CUBN: variants seen among roughly 807,000 people sequenced by gnomAD.
CUBN encodes the protein cubilin, also known as 460 kDa receptor.
In CUBN, 282 loss-of-function variants were observed where a neutral mutation model predicts 405.3. The ratio of observed to expected loss-of-function variants is 0.70; its 90% CI spans 0.63 to 0.77. The LOEUF (loss-of-function observed/expected upper bound fraction) is 0.77, where lower values mean the gene tolerates loss of function less well. CUBN is among the 30% of genes least tolerant of loss of function. CUBN has a pLI of 0.00. For missense variants in CUBN, 4,514 were observed against 4,475.2 expected, an observed-to-expected ratio of 1.01 and a Z score of -0.25; for synonymous variants, 1,684 against 1,617.0, an observed-to-expected ratio of 1.04 and a Z score of -0.99.
chr10:16,842,888 C>A (rs1839396066), intron 60 of CUBN, among the ~76,000 whole-genome samples: 2 of 152,196 alleles, frequency 1.3e-5, no homozygotes, highest in Non-Finnish European at 2.9e-5. Context: ...AGCCCTGTTC[C>A]TGCTGCTCTT....
intron 66 of CUBN, among the ~76,000 whole-genome samples, chr10:16,826,377 A>G (rs1418032111): frequency 6.6e-6 from 1 of 152,232 alleles, no homozygotes; most frequent in Admixed American, 6.5e-5. Context: ...GTATGTAATT[A>G]TGCATGTAAA....
chr10:17,101,486 C>G (rs955852653), intron 13 of CUBN, among the ~76,000 whole-genome samples: 20 of 135,768 alleles, frequency 1.5e-4, no homozygotes, highest in Non-Finnish European at 3.3e-4. Flanking sequence ...GCAAATAGTC[C>G]TCCCTCCTCA....
intron 28 of CUBN, among the ~76,000 whole-genome samples, chr10:17,016,213 G>A (rs948051559): frequency 1.3e-5 from 2 of 151,894 alleles, no homozygotes; most frequent in Admixed American, 1.3e-4. Context: ...GAGTTATGGT[G>A]GACATCATTG....
Position 16,918,670 on chromosome 10 carries a change from A to G in CUBN, c.6952T>C (p.Ser2318Pro). 1.9e-6 allele frequency: 3 copies of G among 1,614,004 alleles called. No individual in the cohort carries two copies. Among genetic ancestry groups the G allele is most frequent in the Non-Finnish European group, 2.5e-6 (3 of 1,179,902 alleles). ...SGEVMYLRFR[S>P]DNSPTHVGFK... Reference sequence around the variant, plus strand: ...CCCACATGTGTGGGGCTGTTGTCAGATCGAAATCTCAAATACATAACCTCT... The same window carrying G: ...CCCACATGTGTGGGGCTGTTGTCAGGTCGAAATCTCAAATACATAACCTCT... The change falls in exon 45 of 67, where the codon TCT (serine) becomes CCT (proline). Residue 2318 changes from serine to proline, a missense_variant. This residue lies in a region of CUBN where 1,613 missense variants were observed against 1,542.8 expected (regional missense o/e 1.05). Coordinates refer to ENST00000377833, the MANE Select transcript of CUBN (RefSeq NM_001081.4).
At chr10:17,118,320 G>A (rs1263218573) in intron 6 of CUBN, among the ~76,000 whole-genome samples, 1 of 152,158 alleles carries the variant, frequency 6.6e-6, no homozygotes, top group Non-Finnish European at 1.5e-5. Flanking sequence ...ATAATTGGCA[G>A]AAGATAAATA....
intron 31 of CUBN, among the ~76,000 whole-genome samples, chr10:16,963,196 C>CTT (rs200023246): frequency 8.3e-5 from 7 of 83,978 alleles, no homozygotes; most frequent in African/African-American, 2.0e-4. Flanking sequence ...TCTTTTTTTT[C>CTT]TTTTTTTTTT....
intron 58 of CUBN, among the ~76,000 whole-genome samples, chr10:16,872,239 C>G (rs1393182202): frequency 6.6e-6 from 1 of 151,570 alleles, no homozygotes; most frequent in African/African-American, 2.4e-5. Flanking sequence ...GAGCTAGTCT[C>G]AAATAAATAA....
chr10:17,102,505 T>G (rs1836516761), intron 13 of CUBN, among the ~76,000 whole-genome samples: 3 of 151,672 alleles, frequency 2.0e-5, no homozygotes, highest in Non-Finnish European at 4.4e-5. Flanking sequence ...CAGGCTGGTC[T>G]TGAATTCCTG....
chr10:16,993,162 G>T (rs1047815498), intron 28 of CUBN, among the ~76,000 whole-genome samples: 4 of 152,098 alleles, frequency 2.6e-5, no homozygotes, highest in East Asian at 3.9e-4. Context: ...AGCTCAGATG[G>T]TTCTTTCTAT....
intron 22 of CUBN, 60 bp from the exon 23 acceptor site, chr10:17,047,663 A>C (rs1835170797): frequency 5.7e-6 from 8 of 1,395,522 alleles, no homozygotes; most frequent in Admixed American, 1.7e-5. Context: ...TTTATAATAC[A>C]TCCAGTAATA....
intron 26 of CUBN, among the ~76,000 whole-genome samples, chr10:17,042,807 ACT>A (rs1260821640): frequency 6.6e-6 from 1 of 152,094 alleles, no homozygotes; most frequent in Non-Finnish European, 1.5e-5. Flanking sequence ...AAATGTTATT[ACT>A]CTTTCAGTTA....
chr10:16,892,014 C>T (rs1046397249), intron 54 of CUBN, among the ~76,000 whole-genome samples: 1 of 152,180 alleles, frequency 6.6e-6, no homozygotes, highest in African/African-American at 2.4e-5. Flanking sequence ...CCAAATTACT[C>T]ATTCCAAACA....
At chr10:17,070,305 T>A (rs1449580433) in intron 19 of CUBN, among the ~76,000 whole-genome samples, 1 of 152,186 alleles carries the variant, frequency 6.6e-6, no homozygotes, top group Non-Finnish European at 1.5e-5. Context: ...GAAGTGTGAG[T>A]CCTTCAACTT....
chr10:17,091,909 G>A (rs1263305172), intron 14 of CUBN, among the ~76,000 whole-genome samples: 2 of 152,022 alleles, frequency 1.3e-5, no homozygotes, highest in African/African-American at 2.4e-5. Flanking sequence ...TTGAACAATG[G>A]GCCACTCTGC....
At chr10:17,001,967 G>A (rs918564453) in intron 28 of CUBN, among the ~76,000 whole-genome samples, 116 of 152,276 alleles carry the variant, frequency 7.6e-4, no homozygotes, top group African/African-American at 2.7e-3. Context: ...GGTAGTTACT[G>A]TCCTCCACCA....
chr10:16,840,432 A>G lies in CUBN; in HGVS notation c.9930T>C (p.Ile3310=). The part of the protein sequence containing the change: ...DVPFSICTWV[I]DSPPHQQVKI... ...TGACCTGCTGATGCGGAGGGGAATC[A>G]ATGACCCAAGTACAGATGGAAAATG... Residue 3310 remains isoleucine, a synonymous_variant, in exon 62 of 67, where the codon ATT becomes ATC. Coordinates refer to ENST00000377833, the MANE Select transcript of CUBN (RefSeq NM_001081.4). 1 of 1,614,136 alleles carries G rather than the reference A, an allele frequency of 6.2e-7. No individual in the cohort carries two copies. The highest frequency in any genetic ancestry group is 8.5e-7 in the Non-Finnish European group (1 of 1,180,010).
chr10:16,941,797 G>A (rs570853060), intron 36 of CUBN, among the ~76,000 whole-genome samples: 70 of 152,162 alleles, frequency 4.6e-4, no homozygotes, highest in Non-Finnish European at 7.4e-4. Flanking sequence ...AGGGGTGATC[G>A]TGCCACTCAC....
chr10:16,979,899 A>C (rs1833214046), intron 31 of CUBN, among the ~76,000 whole-genome samples: 2 of 152,208 alleles, frequency 1.3e-5, no homozygotes, highest in Non-Finnish European at 2.9e-5. Flanking sequence ...ACCAGAGTGA[A>C]CAGGCAATCT....
intron 28 of CUBN, among the ~76,000 whole-genome samples, chr10:17,005,895 G>A (rs1834008735): frequency 6.6e-6 from 1 of 152,192 alleles, no homozygotes; most frequent in South Asian, 2.1e-4. Flanking sequence ...AAGTTAAAAT[G>A]AAGCTGAATG....
Sources: gnomAD v4.1 joint callset for allele counts (sites outside exome capture counted in the v4.1 genomes callset) on GRCh38, gnomAD v4.1.1 for gene constraint, gnomAD v4.1.1 regional missense constraint, MANE v1.5 for transcripts, NCBI Gene and HGNC (gene_info 2026-07-23, HGNC 2026-07-21) for gene names.